Variants in FBXL20 observed in about 807,000 individuals in gnomAD.
The protein encoded by FBXL20 is F-box/LRR-repeat protein 20.
In FBXL20, 11 loss-of-function variants were observed where a neutral mutation model predicts 64.0. That is an observed-to-expected ratio of 0.17 (90% CI 0.11 to 0.28). FBXL20 has a LOEUF of 0.28. FBXL20 is among the 10% of genes least tolerant of loss of function. The pLI, the probability that FBXL20 is intolerant of heterozygous loss-of-function variation, is 1.00. For missense variants in FBXL20, 303 were observed against 526.2 expected (o/e 0.58, Z 4.15); for synonymous variants, 184 against 189.0 (o/e 0.97, Z 0.22).
At chr17:39,292,170 G>A (rs1326219214) in intron 6 of FBXL20, among the ~76,000 whole-genome samples, 1 of 150,354 alleles carries the variant, frequency 6.7e-6, no homozygotes, top group African/African-American at 2.5e-5. Context: ...TAGCTTTACT[G>A]CTTTTTGGCA....
chr17:39,368,860 T>C (rs1473365578), intron 1 of FBXL20, among the ~76,000 whole-genome samples: 1 of 152,128 alleles, frequency 6.6e-6, no homozygotes, highest in East Asian at 1.9e-4. Context: ...TTTCACCATG[T>C]TAGCCAGGAT....
chr17:39,391,759 T>C (rs1392106700), intron 1 of FBXL20, among the ~76,000 whole-genome samples: 5 of 152,120 alleles, frequency 3.3e-5, no homozygotes, highest in Admixed American at 1.3e-4. Context: ...CTGGAAAACC[T>C]TGTAGCTAAA....
intron 2 of FBXL20, among the ~76,000 whole-genome samples, chr17:39,308,228 T>C (rs1490855680): frequency 1.3e-5 from 2 of 151,958 alleles, no homozygotes; most frequent in African/African-American, 2.4e-5. Flanking sequence ...TCTACCCACC[T>C]TGGCCTCCCA....
intron 2 of FBXL20, among the ~76,000 whole-genome samples, chr17:39,331,457 T>C (rs531740701): frequency 1.3e-5 from 2 of 152,288 alleles, no homozygotes; most frequent in South Asian, 4.1e-4. Context: ...ACAGCTCATT[T>C]GTCTCATTTC....
chr17:39,336,350 G>A (rs1378584015), intron 2 of FBXL20, among the ~76,000 whole-genome samples: 1 of 152,094 alleles, frequency 6.6e-6, no homozygotes, highest in East Asian at 1.9e-4. Context: ...TTTAAAAATA[G>A]CTAATACACA....
intron 1 of FBXL20, among the ~76,000 whole-genome samples, chr17:39,383,329 G>GAA (rs1377110229): frequency 6.6e-6 from 1 of 152,086 alleles, no homozygotes; most frequent in Non-Finnish European, 1.5e-5. Context: ...ACATGGAGAA[G>GAA]AAAAACCTTG....
chr17:39,379,134 G>A (rs1490217013), intron 1 of FBXL20, among the ~76,000 whole-genome samples: 2 of 150,116 alleles, frequency 1.3e-5, no homozygotes, highest in Admixed American at 6.6e-5. Context: ...GCTGAGGCAG[G>A]AGAATCGCTT....
At chr17:39,332,140 A>G (rs2144540995) in intron 2 of FBXL20, among the ~76,000 whole-genome samples, 1 of 152,324 alleles carries the variant, frequency 6.6e-6, no homozygotes, top group South Asian at 2.1e-4. Context: ...ACAGACTTGT[A>G]TTTTTCCACA....
At chr17:39,287,997 T>G (rs2047004405) in intron 6 of FBXL20, among the ~76,000 whole-genome samples, 1 of 142,812 alleles carries the variant, frequency 7.0e-6, no homozygotes, top group Non-Finnish European at 1.5e-5. Context: ...TGAGATGGAC[T>G]CTGTCACCCG....
At chr17:39,290,057 T>TA (rs2047024964) in intron 6 of FBXL20, among the ~76,000 whole-genome samples, 1 of 151,206 alleles carries the variant, frequency 6.6e-6, no homozygotes, top group African/African-American at 2.4e-5. Context: ...ATCATTTACT[T>TA]AAGTCTTTTT....
chr17:39,402,291 C>T, upstream of FBXL20: 1 of 1,078,346 alleles, frequency 9.3e-7, no homozygotes, highest in East Asian at 3.2e-5. Context: ...GTTGCCGCCG[C>T]CGCCGCCTCC....
At chr17:39,309,576 C>T (rs903537801) in intron 2 of FBXL20, among the ~76,000 whole-genome samples, 4 of 151,846 alleles carry the variant, frequency 2.6e-5, no homozygotes, top group African/African-American at 7.3e-5. Flanking sequence ...TGCGAGACAG[C>T]TGGATCACCT....
intron 2 of FBXL20, among the ~76,000 whole-genome samples, chr17:39,320,699 A>G (rs1189548012): frequency 6.6e-6 from 1 of 150,996 alleles, no homozygotes; most frequent in Admixed American, 6.6e-5. Flanking sequence ...GGCTCAAGCG[A>G]TTCTCCTGCC....
intron 1 of FBXL20, among the ~76,000 whole-genome samples, chr17:39,367,171 C>CCG (rs1297202796): frequency 6.6e-6 from 1 of 152,128 alleles, no homozygotes; most frequent in Non-Finnish European, 1.5e-5. Context: ...GCATAAGCCA[C>CCG]CGCGCCCAGC....
intron 2 of FBXL20, among the ~76,000 whole-genome samples, chr17:39,339,232 T>TA (rs1276452950): frequency 2.7e-5 from 4 of 146,062 alleles, no homozygotes; most frequent in Admixed American, 6.8e-5. Flanking sequence ...CCCATCTGTA[T>TA]AAAAAAAATA....
chr17:39,301,187 T>G (rs2047131211), intron 3 of FBXL20, 112 bp from the exon 4 acceptor site: 1 of 860,752 alleles, frequency 1.2e-6, no homozygotes, highest in East Asian at 2.6e-5. Flanking sequence ...ATCCAAAAAT[T>G]TATCAGGCCC....
intron 2 of FBXL20, among the ~76,000 whole-genome samples, chr17:39,326,324 T>C (rs976401856): frequency 2.0e-5 from 3 of 152,032 alleles, no homozygotes; most frequent in African/African-American, 7.2e-5. Context: ...ACAAACTATA[T>C]TCTAAATGAA....
chr17:39,282,860 G>C lies in FBXL20; in HGVS notation c.495-5C>G. 2 of 1,613,778 alleles carry C rather than the reference G, an allele frequency of 1.2e-6. No individual in the cohort carries two copies. Among genetic ancestry groups the C allele is most frequent in the Non-Finnish European group, 1.7e-6 (2 of 1,179,938 alleles). ...TCCAACAGTGGACATCCCTCACTTA[G>C]GATAAAACAAAATAAGAGAAACATA... On this transcript the variant is annotated splice_polypyrimidine_tract_variant and splice_region_variant and intron_variant, in intron 7 of 14. Coordinates refer to ENST00000264658, the MANE Select transcript of FBXL20 (RefSeq NM_032875.3).
At chr17:39,364,469 C>T (rs1369614670) in intron 1 of FBXL20, among the ~76,000 whole-genome samples, 2 of 152,062 alleles carry the variant, frequency 1.3e-5, no homozygotes, top group African/African-American at 2.4e-5. Context: ...ATTATCTGGG[C>T]GTGGTGGTGC....
Sources: allele counts gnomAD v4.1 joint callset (sites outside exome capture counted in the v4.1 genomes callset), GRCh38; gene constraint gnomAD v4.1.1; transcripts MANE v1.5; gene names NCBI Gene and HGNC (gene_info 2026-07-23, HGNC 2026-07-21).